GRID2: variants seen among roughly 807,000 people sequenced by gnomAD.
GRID2 encodes glutamate ionotropic receptor delta type subunit 2, also known as glutamate receptor ionotropic, delta-2.
A neutral mutation model predicts 114.8 loss-of-function variants in GRID2; 33 were observed. The observed-to-expected ratio is 0.29, with a 90% confidence interval of 0.22 to 0.38. The LOEUF (loss-of-function observed/expected upper bound fraction) is 0.38, where lower values mean the gene tolerates loss of function less well. GRID2 is among the 10% of genes least tolerant of loss of function. GRID2 has a pLI of 1.00. For synonymous variants in GRID2, 505 were observed against 449.9 expected, an observed-to-expected ratio of 1.12 and a Z score of -1.55; for missense variants, 1,184 against 1,257.7, an observed-to-expected ratio of 0.94 and a Z score of 0.89.
intron 8 of GRID2, among the ~76,000 whole-genome samples, chr4:93,241,299 A>T (rs1747479906): frequency 6.6e-6 from 1 of 151,656 alleles, no homozygotes. Flanking sequence ...AATTAATAAG[A>T]GTTTTTGCCT....
chr4:92,373,401 A>G (rs1729206339), intron 1 of GRID2, among the ~76,000 whole-genome samples: 1 of 152,228 alleles, frequency 6.6e-6, no homozygotes, highest in Non-Finnish European at 1.5e-5. Context: ...ATCTGTGTGC[A>G]GTAAGAGAAT....
At chr4:92,975,261 G>C (rs17020049) in intron 2 of GRID2, among the ~76,000 whole-genome samples, 4,082 of 147,600 alleles carry the variant, frequency 0.028, 105 homozygotes, top group African/African-American at 0.063. Flanking sequence ...ATTTCTGTAA[G>C]ACGTGAAACT....
chr4:93,778,393 C>CTTTTTTTTTTTTTTTT (rs36000401), downstream of GRID2, among the ~76,000 whole-genome samples: 1 of 98,636 alleles, frequency 1.0e-5, no homozygotes, highest in Non-Finnish European at 1.9e-5. Context: ...TCTCATTTGG[C>CTTTTTTTTTTTTTTTT]TTTTTTTTTT....
chr4:93,105,500 G>A (rs1183495174), intron 3 of GRID2, among the ~76,000 whole-genome samples: 2 of 151,984 alleles, frequency 1.3e-5, no homozygotes, highest in Admixed American at 1.3e-4. Context: ...TGTAAGGAAG[G>A]GATCCAGTTT....
chr4:93,384,710 A>G (rs752843401), intron 8 of GRID2, among the ~76,000 whole-genome samples: 4 of 152,144 alleles, frequency 2.6e-5, no homozygotes, highest in African/African-American at 2.4e-5. Flanking sequence ...TGGTTGTATT[A>G]TTATCCACTA....
chr4:93,688,204 G>GA (rs1726243534), intron 14 of GRID2, among the ~76,000 whole-genome samples: 2 of 151,860 alleles, frequency 1.3e-5, no homozygotes, highest in Admixed American at 6.6e-5. Context: ...AAGGCTACTA[G>GA]AAAAACAGTA....
At chr4:93,113,649 A>G (rs1015539836) in intron 4 of GRID2, among the ~76,000 whole-genome samples, 9 of 152,226 alleles carry the variant, frequency 5.9e-5, no homozygotes, top group African/African-American at 2.2e-4. Context: ...ATGAAAGAGT[A>G]TCAGCATTAC....
intron 4 of GRID2, among the ~76,000 whole-genome samples, chr4:93,121,342 C>G (rs1394350879): frequency 4.6e-5 from 7 of 152,082 alleles, no homozygotes; most frequent in Non-Finnish European, 8.8e-5. Context: ...TTAAGATCTC[C>G]CCAAAGGTAT....
intron 10 of GRID2, among the ~76,000 whole-genome samples, chr4:93,445,150 C>T (rs1024081500): frequency 6.6e-6 from 1 of 151,978 alleles, no homozygotes; most frequent in African/African-American, 2.4e-5. Flanking sequence ...TTCCTCCTTT[C>T]TTCTGGCTGG....
chr4:93,042,405 T>C (rs981951207), intron 2 of GRID2, among the ~76,000 whole-genome samples: 2 of 147,992 alleles, frequency 1.4e-5, no homozygotes, highest in African/African-American at 4.9e-5. Flanking sequence ...TATACATACA[T>C]ACATATATAC....
At chr4:92,737,379 C>A (rs1736647264) in intron 2 of GRID2, among the ~76,000 whole-genome samples, 1 of 151,842 alleles carries the variant, frequency 6.6e-6, no homozygotes, top group African/African-American at 2.4e-5. Context: ...AAGAGTCTGC[C>A]CATTTCAATT....
At chr4:93,752,360 T>TGTTATTTA (rs1732394866) in intron 14 of GRID2, among the ~76,000 whole-genome samples, 1 of 149,154 alleles carries the variant, frequency 6.7e-6, no homozygotes, top group African/African-American at 2.5e-5. Flanking sequence ...CATACTGTTC[T>TGTTATTTA]TTTATTTATT....
chr4:92,992,694 C>T (rs1256434299), intron 2 of GRID2, among the ~76,000 whole-genome samples: 1 of 152,072 alleles, frequency 6.6e-6, no homozygotes, highest in African/African-American at 2.4e-5. Flanking sequence ...ACCTGTAAAA[C>T]AATAGATTTT....
chr4:93,709,248 C>A (rs1728275909), intron 14 of GRID2, among the ~76,000 whole-genome samples: 3 of 152,060 alleles, frequency 2.0e-5, no homozygotes, highest in Admixed American at 2.0e-4. Flanking sequence ...TGTAAAACAC[C>A]CTTTAGCATC....
At chr4:93,002,741 G>A (rs747985366) in intron 2 of GRID2, among the ~76,000 whole-genome samples, 25 of 151,664 alleles carry the variant, frequency 1.6e-4, no homozygotes, top group Non-Finnish European at 2.7e-4. Flanking sequence ...TTCCTATGAT[G>A]GCTGTAACAA....
rs1721120802 is a variant in GRID2, at chr4:92,454,779, T to G, written c.89-135352T>G. On this transcript the variant is annotated intron_variant, in intron 1 of 15. Coordinates refer to ENST00000282020, the MANE Select transcript of GRID2 (RefSeq NM_001510.4). Reference sequence around the variant, plus strand: ...CGAACCCAGGAGGCAGAGCTTGCATTGAGCCGAGATCGCACCACTGCACTC... The same window carrying G: ...CGAACCCAGGAGGCAGAGCTTGCATGGAGCCGAGATCGCACCACTGCACTC... Among the ~76,000 whole-genome samples the G allele has an allele frequency of 2.0e-5, 3 of 152,150 alleles. No homozygotes were observed. The South Asian group carries it at 6.2e-4, about 32-fold the overall frequency.
intron 2 of GRID2, among the ~76,000 whole-genome samples, chr4:92,801,445 C>T (rs1465601231): frequency 6.6e-6 from 1 of 151,870 alleles, no homozygotes; most frequent in Non-Finnish European, 1.5e-5. Context: ...AAATTCCACC[C>T]CCATTAAGGT....
intron 1 of GRID2, among the ~76,000 whole-genome samples, chr4:92,399,733 T>G (rs992034381): frequency 6.6e-6 from 1 of 151,656 alleles, no homozygotes; most frequent in African/African-American, 2.4e-5. Context: ...ATAAAATTTT[T>G]CAGGTAGGCA....
chr4:92,471,833 C>T (rs1422079757), intron 1 of GRID2, among the ~76,000 whole-genome samples: 1 of 151,776 alleles, frequency 6.6e-6, no homozygotes, highest in African/African-American at 2.4e-5. Context: ...GCATTTTATA[C>T]AGGCTTATAT....
Sources: allele counts gnomAD v4.1 joint callset (sites outside exome capture counted in the v4.1 genomes callset), GRCh38; gene constraint gnomAD v4.1.1; transcripts MANE v1.5; gene names NCBI Gene and HGNC (gene_info 2026-07-23, HGNC 2026-07-21).